The following NAT16 variants were observed in gnomAD, a reference collection of about 807,000 sequenced individuals.
NAT16 encodes N-acetyltransferase 16 (putative).
Under a neutral mutation model 15.9 loss-of-function variants are expected in NAT16, and 16 were observed. The ratio of observed to expected loss-of-function variants is 1.01; its 90% CI spans 0.68 to 1.53. NAT16 has a LOEUF of 1.53. Ranked by LOEUF, NAT16 falls within the 40% of genes most tolerant of loss-of-function variation. NAT16 has a pLI of 0.00. For synonymous variants in NAT16, 260 were observed against 241.9 expected (o/e 1.07, Z -0.69); for missense variants, 572 against 508.4 (o/e 1.13, Z -1.20).
intron 2 of NAT16, chr7:101,173,979 C>T (rs1455514015): frequency 4.9e-6 from 1 of 206,060 alleles, no homozygotes. Context: ...ATCCTCCTGC[C>T]TCGGCCTCCC....
Position 101,171,549 on chromosome 7 carries a change from T to C in NAT16, c.*530A>G, listed in dbSNP as rs539885026. The C allele has an allele frequency of 6.5e-5, 10 of 153,192 alleles. No homozygotes were observed. The highest frequency in any genetic ancestry group is 1.3e-4 in the Admixed American group (2 of 15,342). The allele number at this position is 153,192 out of a possible 1,614,324, so 9.5% of individuals were successfully genotyped here. A position where few individuals can be genotyped will look rare whatever the true frequency, so the allele number is the denominator to read the frequency against. ...AGAAGCTTGAGCAGGGGGAGGGGAT[T>C]GGGGTGTGGAGGGCAATGCAGGACC... is the stretch of plus-strand genomic sequence containing the variant. On this transcript the variant is annotated 3_prime_UTR_variant, in exon 4 of 4. Coordinates refer to ENST00000300303, the MANE Select transcript of NAT16 (RefSeq NM_198571.3).
intron 2 of NAT16, chr7:101,173,762 C>T (rs2116726677): frequency 3.8e-6 from 2 of 525,180 alleles, no homozygotes; most frequent in Admixed American, 3.8e-5. Flanking sequence ...AGGGTCTCCT[C>T]ACCCAGGCTG....
chr7:101,171,972 G>T lies in NAT16; in HGVS notation c.*107C>A. ...TAAGGGCAGGAGGGCAGGAGTCAGA[G>T]GGGACTTCCCAGGAGACGCAGCGTC... On this transcript the variant is annotated 3_prime_UTR_variant, in exon 4 of 4. Coordinates refer to ENST00000300303, the MANE Select transcript of NAT16 (RefSeq NM_198571.3). 2.6e-6 allele frequency: 2 copies of T among 770,336 alleles called. No homozygotes were observed. The highest frequency in any genetic ancestry group is 5.2e-5 in the Admixed American group (2 of 38,806). The allele number at this position is 770,336 out of a possible 1,614,324, so 47.7% of individuals were successfully genotyped here.
chr7:101,172,660 G>C lies in NAT16; in HGVS notation c.538-9C>G. 6.7e-7 allele frequency: 1 copy of C among 1,488,098 alleles called. No homozygotes were observed. Among genetic ancestry groups the C allele is most frequent in the South Asian group, 1.3e-5 (1 of 77,948 alleles). 92.2% of individuals were successfully genotyped at this position (1,488,098 alleles called of 1,614,324 possible). On this transcript the variant is annotated splice_polypyrimidine_tract_variant and intron_variant, in intron 3 of 3. Coordinates refer to ENST00000300303, the MANE Select transcript of NAT16 (RefSeq NM_198571.3). The surrounding 1 kb of genome is among the most constrained non-coding windows in gnomAD (Gnocchi z 4.2). The stretch of plus-strand genomic sequence containing the variant: ...CGGACCAAAAGGATGCCCTGCGGGG[G>C]GCACGAGTGAGCGCGGGGAGGGGGG...
chr7:101,174,835 C>A, intron 1 of NAT16, 24 bp from the exon 2 acceptor site: 1 of 1,521,748 alleles, frequency 6.6e-7, no homozygotes, highest in South Asian at 1.3e-5. Context: ...GAGAATTCAG[C>A]ACCTGGATCA....
rs570618980 is a variant in NAT16, at chr7:101,171,618, C to A, written c.*461G>T. The A allele has an allele frequency of 7.8e-4, 123 of 157,692 alleles. No individual in the cohort carries two copies. The highest frequency in any genetic ancestry group is 2.1e-3 in the Admixed American group (33 of 15,616). 9.8% of individuals were successfully genotyped at this position (157,692 alleles called of 1,614,324 possible). A position where few individuals can be genotyped will look rare whatever the true frequency, so the allele number is the denominator to read the frequency against. ...AAGGGCAGAAGGAAGAAAAGAAACG[C>A]GGATTGGGCGGCTGCGCTCGGGAAC... is the stretch of plus-strand genomic sequence containing the variant. On this transcript the variant is annotated 3_prime_UTR_variant, in exon 4 of 4. Transcript: ENST00000300303.
chr7:101,178,779 T>C (rs1797524226), intron 1 of NAT16, among the ~76,000 whole-genome samples: 1 of 140,328 alleles, frequency 7.1e-6, no homozygotes, highest in Non-Finnish European at 1.5e-5. Context: ...TAATCCCAGC[T>C]ACTCAGGAGG....
Position 101,173,411 on chromosome 7 carries a change from C to A in NAT16, c.422G>T (p.Arg141Leu), listed in dbSNP as rs1348511961. The A allele has an allele frequency of 6.2e-7, 1 of 1,613,542 alleles. No individual in the cohort carries two copies. The highest frequency in any genetic ancestry group is 2.2e-5 in the East Asian group (1 of 44,858). ...TCTCTTGACCAGCTGCGAGCAGAAG[C>A]GCTGCAGCAGCCCGGCCACGCCCTT... is the stretch of plus-strand genomic sequence containing the variant. The part of the protein sequence containing the change: ...RGKGVAGLLQ[R>L]FCSQLVKRQH... The change falls in exon 3 of 4, where the codon CGC (arginine) becomes CTC (leucine). Residue 141 changes from arginine to leucine, a missense_variant. Coordinates refer to ENST00000300303, the MANE Select transcript of NAT16 (RefSeq NM_198571.3).
At chr7:101,174,371 G>A (rs1797415470) in intron 2 of NAT16, 125 bp downstream of exon 2, 2 of 1,308,362 alleles carry the variant, frequency 1.5e-6, no homozygotes, top group African/African-American at 1.5e-5. Flanking sequence ...TGGTCCCAAA[G>A]CAGGCTCTAT....
rs1281726522 is a variant in NAT16, at chr7:101,172,195, G to C, written c.994C>G (p.Gln332Glu). 2 of 1,613,820 alleles carry C rather than the reference G, an allele frequency of 1.2e-6. No homozygotes were observed. Among genetic ancestry groups the C allele is most frequent in the Non-Finnish European group, 1.7e-6 (2 of 1,179,964 alleles). The part of the protein sequence containing the change: ...PRLVGLNVMC[Q>E]LFLEPQLWSQ... The stretch of plus-strand genomic sequence containing the variant: ...CACAGCTGGGGCTCCAGGAAGAGCT[G>C]GCACATGACGTTGAGGCCAACGAGG... The change falls in exon 4 of 4, where the codon CAG becomes GAG. Residue 332 changes from glutamine (Q) to glutamate (E), a missense_variant. Physicochemically the swap from Gln to Glu is conservative, Grantham distance 29. Coordinates refer to ENST00000300303, the MANE Select transcript of NAT16 (RefSeq NM_198571.3). This position sits in a 1 kb window ranked among gnomAD's most constrained non-coding sequence, Gnocchi z 4.2.
In NAT16 at chr7:101,174,588, A is replaced by G. The variant is rs761066274; in HGVS notation, c.220T>C (p.Tyr74His). ...CTAGGAAGGTAGTCCAGGCCGCCGT[A>G]GATGCCCCCCGAGATGGCCAGCACT... ...EEVLAISGGI[Y>H]GGLDYLPSRY... The change falls in exon 2 of 4, where the codon TAC becomes CAC. Residue 74 changes from tyrosine (Y) to histidine (H), a missense_variant. Transcript: ENST00000300303. The G allele has an allele frequency of 3.1e-6, 5 of 1,614,100 alleles. No individual in the cohort carries two copies. The highest frequency in any genetic ancestry group is 8.5e-7 in the Non-Finnish European group (1 of 1,180,002).
intron 1 of NAT16, among the ~76,000 whole-genome samples, chr7:101,178,883 C>A (rs866424368): frequency 4.6e-5 from 1 of 21,936 alleles, no homozygotes; most frequent in Non-Finnish European, 1.0e-4. Context: ...AAGAGTGAAA[C>A]GCTGTCAAAA....
intron 2 of NAT16, 159 bp from the exon 3 acceptor site, chr7:101,173,679 A>G: frequency 1.7e-6 from 1 of 590,966 alleles, no homozygotes; most frequent in South Asian, 2.3e-5. Flanking sequence ...GCCTCAGATT[A>G]CAGAGCCGGC....
chr7:101,172,765 G>A lies in NAT16; in HGVS notation c.538-114C>T. 2.2e-6 allele frequency: 2 copies of A among 897,762 alleles called. No homozygotes were observed. Among genetic ancestry groups the A allele is most frequent in the South Asian group, 1.8e-5 (1 of 54,090 alleles). 55.6% of individuals were successfully genotyped at this position (897,762 alleles called of 1,614,324 possible). On this transcript the variant is annotated intron_variant, in intron 3 of 3. Transcript: ENST00000300303. The surrounding 1 kb of genome is among the most constrained non-coding windows in gnomAD (Gnocchi z 4.2). ...TTCACGCCCACGGGCTCCCACCTGG[G>A]TCCCTCTGGAGGAGCGACCGTGAGG...
chr7:101,176,261 G>A (rs1419074443), intron 1 of NAT16, among the ~76,000 whole-genome samples: 2 of 152,162 alleles, frequency 1.3e-5, no homozygotes, highest in African/African-American at 2.4e-5. Context: ...CGGCTCAGCC[G>A]AGGCGGGTAG....
In NAT16 at chr7:101,171,957, AG is replaced by A; in HGVS notation, c.*121del. 1.5e-6 allele frequency: 1 copy of A among 675,008 alleles called. No individual in the cohort carries two copies. The highest frequency in any genetic ancestry group is 2.8e-5 in the Admixed American group (1 of 35,800). The allele number at this position is 675,008 out of a possible 1,614,324, so 41.8% of individuals were successfully genotyped here. On this transcript the variant is annotated 3_prime_UTR_variant, in exon 4 of 4. Transcript: ENST00000300303. The stretch of plus-strand genomic sequence containing the variant: ...GGGGACCTGCGCCGGTAAGGGCAGG[AG>A]GGCAGGAGTCAGAGGGGACTTCCCA...
intron 2 of NAT16, 81 bp from the exon 3 acceptor site, chr7:101,173,601 C>T: frequency 1.6e-6 from 2 of 1,281,528 alleles, no homozygotes; most frequent in Non-Finnish European, 2.1e-6. Flanking sequence ...CTCTCCTCTT[C>T]CCACACGCTG....
intron 3 of NAT16, 144 bp downstream of exon 3, chr7:101,173,152 G>A: frequency 1.3e-6 from 1 of 742,442 alleles, no homozygotes; most frequent in South Asian, 1.6e-5. Context: ...GTAAGGACTG[G>A]GAGTCCCAGG....
intron 2 of NAT16, 43 bp downstream of exon 2, chr7:101,174,453 G>A: frequency 6.5e-7 from 1 of 1,541,144 alleles, no homozygotes; most frequent in South Asian, 1.2e-5. Flanking sequence ...GCACCCGCAG[G>A]TGGCTTCACC....
Sources: allele counts gnomAD v4.1 joint callset (sites outside exome capture counted in the v4.1 genomes callset), GRCh38; gene constraint gnomAD v4.1.1; non-coding constraint Gnocchi (gnomAD v3.1); transcripts MANE v1.5; gene names NCBI Gene and HGNC (gene_info 2026-07-23, HGNC 2026-07-21).